The following KIRREL1 variants were observed in gnomAD, a reference collection of about 807,000 sequenced individuals.
KIRREL1 encodes kirre like nephrin family adhesion molecule 1.
In KIRREL1, 25 loss-of-function variants were observed where a neutral mutation model predicts 83.3. The ratio of observed to expected loss-of-function variants is 0.30; its 90% CI spans 0.22 to 0.42. The LOEUF (loss-of-function observed/expected upper bound fraction) is 0.42, where lower values mean the gene tolerates loss of function less well. Among genes scored for constraint, KIRREL1 ranks in the 10% least tolerant of loss-of-function variants. The pLI, the probability that KIRREL1 is intolerant of heterozygous loss-of-function variation, is 1.00. For synonymous variants in KIRREL1, 388 were observed against 410.4 expected (o/e 0.95, Z 0.66); for missense variants, 812 against 1,032.3 (o/e 0.79, Z 2.92).
Position 158,055,321 on chromosome 1 carries a change from T to G in KIRREL1, c.53-20792T>G, listed in dbSNP as rs149314335. On this transcript the variant is annotated intron_variant, in intron 1 of 14. Transcript: ENST00000359209. ...TTGCATCTTGCCAGCTCCACTTTCTTTGGTCCCTCTGGCCCCCTCCACTCC... is the reference window on the plus strand; with the variant it reads ...TTGCATCTTGCCAGCTCCACTTTCTGTGGTCCCTCTGGCCCCCTCCACTCC... 1.2e-4 allele frequency among the ~76,000 whole-genome samples: 18 copies of G among 152,220 alleles called. 1 individual carries two copies. Among genetic ancestry groups the G allele is most frequent in the African/African-American group, 4.1e-4 (17 of 41,556 alleles).
At chr1:158,026,953 C>A (rs934861628) in intron 1 of KIRREL1, among the ~76,000 whole-genome samples, 1 of 152,166 alleles carries the variant, frequency 6.6e-6, no homozygotes, top group African/African-American at 2.4e-5. Flanking sequence ...AGCAATCAGT[C>A]TTCCAGTAAG....
chr1:158,027,230 C>T (rs2093980), intron 1 of KIRREL1, among the ~76,000 whole-genome samples: 151,449 of 152,328 alleles, frequency 0.99, 75,296 homozygotes, highest in Middle Eastern at 1. Flanking sequence ...ACTGGTTTTT[C>T]ATAAAAGGAT....
rs874844 is a variant in KIRREL1, at chr1:158,097,257, A to C, written c.*2137A>C. On this transcript the variant is annotated 3_prime_UTR_variant, in exon 15 of 15. Transcript: ENST00000359209. ...ATGCAAATTTCTATTATTTTCACAA[A>C]AACCAGAAACCATGGGGGAATCCAA... 0.48 allele frequency: 157,804 copies of C among 327,220 alleles called. 42,521 individuals are homozygous for C. Among genetic ancestry groups the C allele is most frequent in the East Asian group, 0.69 (8,531 of 12,374 alleles). 20.3% of individuals were successfully genotyped at this position (327,220 alleles called of 1,614,324 possible). A position where few individuals can be genotyped will look rare whatever the true frequency, so the allele number is the denominator to read the frequency against.
intron 1 of KIRREL1, among the ~76,000 whole-genome samples, chr1:158,052,338 C>A (rs1558003998): frequency 6.6e-6 from 1 of 152,148 alleles, no homozygotes; most frequent in Non-Finnish European, 1.5e-5. Flanking sequence ...TTGGTGAACA[C>A]CTATTATATT....
chr1:158,088,473 G>GTT lies in KIRREL1; in HGVS notation c.1044+20_1044+21dup. 6.9e-6 allele frequency: 5 copies of GTT among 728,086 alleles called. No homozygotes were observed. The highest frequency in any genetic ancestry group is 8.2e-6 in the Non-Finnish European group (4 of 488,782). The allele number at this position is 728,086 out of a possible 1,614,324, so 45.1% of individuals were successfully genotyped here. A position where few individuals can be genotyped will look rare whatever the true frequency, so the allele number is the denominator to read the frequency against. ...AAATATGGTAAGACTCTTACTGCCTGTTCTTTTTTTTTTTTTTTTTTTTTT... is the reference window on the plus strand; with the variant it reads ...AAATATGGTAAGACTCTTACTGCCTGTTTTCTTTTTTTTTTTTTTTTTTTTTT... On this transcript the variant is annotated intron_variant, in intron 8 of 14. Transcript: ENST00000359209.
chr1:158,060,520 G>A (rs901404591), intron 1 of KIRREL1, among the ~76,000 whole-genome samples: 2 of 151,980 alleles, frequency 1.3e-5, no homozygotes, highest in African/African-American at 2.4e-5. Context: ...ACTTCAATCT[G>A]CCTGTTCCGC....
intron 1 of KIRREL1, among the ~76,000 whole-genome samples, chr1:157,994,376 G>T (rs1659130804): frequency 7.0e-6 from 1 of 143,138 alleles, no homozygotes; most frequent in African/African-American, 2.5e-5. Context: ...CTTCAGGCCC[G>T]CTTGATACAG....
At chr1:158,021,860 C>A (rs912645) in intron 1 of KIRREL1, among the ~76,000 whole-genome samples, 143,235 of 152,238 alleles carry the variant, frequency 0.94, 67,584 homozygotes, top group East Asian at 1. Context: ...CAGAGAAATG[C>A]CATGTAACCT....
intron 1 of KIRREL1, among the ~76,000 whole-genome samples, chr1:158,054,627 C>G (rs1279525716): frequency 1.3e-5 from 2 of 152,174 alleles, no homozygotes; most frequent in African/African-American, 4.8e-5. Flanking sequence ...ACAGGGCCTA[C>G]AGCTGTGTGC....
At chr1:158,000,156 C>T (rs1022038979) in intron 1 of KIRREL1, among the ~76,000 whole-genome samples, 8 of 152,206 alleles carry the variant, frequency 5.3e-5, no homozygotes, top group African/African-American at 1.9e-4. Context: ...TGCAATCTCA[C>T]TGCATGCATA....
chr1:158,060,634 G>A (rs1480198492), intron 1 of KIRREL1, among the ~76,000 whole-genome samples: 1 of 152,144 alleles, frequency 6.6e-6, no homozygotes, highest in Non-Finnish European at 1.5e-5. Context: ...TTGGGCTGGA[G>A]AAATTTCTTT....
chr1:158,018,825 C>T (rs1659915614), intron 1 of KIRREL1, among the ~76,000 whole-genome samples: 1 of 152,036 alleles, frequency 6.6e-6, no homozygotes, highest in South Asian at 2.1e-4. Flanking sequence ...GCTTTTTGCC[C>T]CAGTACCTGG....
intron 1 of KIRREL1, among the ~76,000 whole-genome samples, chr1:158,002,411 CA>C (rs1374677592): frequency 6.6e-6 from 1 of 152,204 alleles, no homozygotes; most frequent in Non-Finnish European, 1.5e-5. Context: ...GCCTTAGATA[CA>C]TGTGCATTTA....
At chr1:158,017,149 CTCA>C (rs917721243) in intron 1 of KIRREL1, among the ~76,000 whole-genome samples, 1 of 152,174 alleles carries the variant, frequency 6.6e-6, no homozygotes, top group African/African-American at 2.4e-5. Flanking sequence ...AGTGGAGACA[CTCA>C]TCATTGCACG....
At chr1:158,076,090 C>T (rs1052701730) in intron 1 of KIRREL1, 23 bp from the exon 2 acceptor site, 1 of 1,610,514 alleles carries the variant, frequency 6.2e-7, no homozygotes, top group Non-Finnish European at 8.5e-7. Flanking sequence ...TCATCTTACC[C>T]AGTGCTGGCT....
intron 1 of KIRREL1, among the ~76,000 whole-genome samples, chr1:158,042,212 GGT>G (rs10577493): frequency 0.53 from 72,247 of 137,392 alleles, 18,863 homozygotes; most frequent in East Asian, 0.8. Context: ...TCTTCTCCAG[GGT>G]GTGTGTGTGT....
intron 1 of KIRREL1, among the ~76,000 whole-genome samples, chr1:158,051,041 AG>A (rs1660896691): frequency 6.6e-6 from 1 of 152,160 alleles, no homozygotes; most frequent in Non-Finnish European, 1.5e-5. Flanking sequence ...TGGGGAGAAA[AG>A]ACATCTGTCC....
At chr1:158,044,204 T>C (rs1306721223) in intron 1 of KIRREL1, among the ~76,000 whole-genome samples, 2 of 152,106 alleles carry the variant, frequency 1.3e-5, no homozygotes, top group Middle Eastern at 3.2e-3. Flanking sequence ...TAAGAAGCAT[T>C]ACATAAAAGG....
At chr1:158,069,154 T>C in intron 1 of KIRREL1, among the ~76,000 whole-genome samples, 1 of 152,096 alleles carries the variant, frequency 6.6e-6, no homozygotes. Context: ...AGGGCACGTG[T>C]GCAGAGACAC....
Sources: allele counts gnomAD v4.1 joint callset (sites outside exome capture counted in the v4.1 genomes callset), GRCh38; gene constraint gnomAD v4.1.1; transcripts MANE v1.5; gene names NCBI Gene and HGNC (gene_info 2026-07-23, HGNC 2026-07-21).